The following LRRC14B variants were observed in gnomAD, a reference collection of about 807,000 sequenced individuals.
The protein encoded by LRRC14B is leucine rich repeat containing 14B.
Under a neutral mutation model 16.9 loss-of-function variants are expected in LRRC14B, and 23 were observed. The ratio of observed to expected loss-of-function variants is 1.36; its 90% CI spans 0.98 to 1.92. The LOEUF is 1.92. LRRC14B is among the 30% of genes most tolerant of loss of function. The pLI is 0.00. For synonymous variants in LRRC14B, 358 were observed against 332.5 expected, an observed-to-expected ratio of 1.08 and a Z score of -0.83; for missense variants, 766 against 705.7, an observed-to-expected ratio of 1.09 and a Z score of -0.97.
rs1733788580 is a variant in LRRC14B at position 191,552 on chromosome 5, G to C, written c.14G>C (p.Arg5Thr). The C allele has an allele frequency of 6.2e-6, 10 of 1,611,456 alleles. No individual in the cohort carries two copies. The highest frequency in any genetic ancestry group is 8.5e-6 in the Non-Finnish European group (10 of 1,178,730). Reference sequence around the variant, plus strand: ...CTGTCTCGGGCCATGGACACAATGAGGTCACTCCGCTTCATTTCTGCAGAA... The same window carrying C: ...CTGTCTCGGGCCATGGACACAATGACGTCACTCCGCTTCATTTCTGCAGAA... MDTM[R>T]SLRFISAEAL... Residue 5 changes from arginine (R) to threonine (T), a missense_variant, in exon 1 of 2, where the codon AGG becomes ACG. Transcript: ENST00000328278.
intron 1 of LRRC14B, among the ~76,000 whole-genome samples, chr5:194,420 C>T (rs770462115): frequency 2.0e-5 from 3 of 152,240 alleles, no homozygotes; most frequent in African/African-American, 4.8e-5. Context: ...CACCACGTGG[C>T]GGCCGGCAGT....
Sources: allele counts gnomAD v4.1 joint callset (sites outside exome capture counted in the v4.1 genomes callset), GRCh38; gene constraint gnomAD v4.1.1; transcripts MANE v1.5; gene names NCBI Gene and HGNC (gene_info 2026-07-23, HGNC 2026-07-21).